The following ARSB variants were observed in gnomAD, a reference collection of about 807,000 sequenced individuals.
The protein encoded by ARSB is N-acetylgalactosamine-4-sulfatase.
ARSB carries 41 observed loss-of-function variants against 50.9 expected under a neutral mutation model. That is an observed-to-expected ratio of 0.81 (90% CI 0.63 to 1.04). The LOEUF (loss-of-function observed/expected upper bound fraction) is 1.04, where lower values mean the gene tolerates loss of function less well. Ranked by LOEUF, ARSB falls within the 50% of genes least tolerant of loss-of-function variation. The pLI is 0.00. For missense variants in ARSB, 672 were observed against 693.3 expected, an observed-to-expected ratio of 0.97 and a Z score of 0.35; for synonymous variants, 269 against 284.8, an observed-to-expected ratio of 0.94 and a Z score of 0.56.
intron 3 of ARSB, among the ~76,000 whole-genome samples, chr5:78,958,195 G>A (rs1751820215): frequency 6.6e-6 from 1 of 152,038 alleles, no homozygotes; most frequent in African/African-American, 2.4e-5. Flanking sequence ...TTGCAAACAC[G>A]AGATTTTGTG....
At chr5:78,829,941 C>A (rs1313799940) in intron 6 of ARSB, among the ~76,000 whole-genome samples, 1 of 152,106 alleles carries the variant, frequency 6.6e-6, no homozygotes, top group African/African-American at 2.4e-5. Flanking sequence ...CTGGTCCAGA[C>A]TGGGAGAGGA....
chr5:78,894,882 G>A (rs1036565127), intron 4 of ARSB, among the ~76,000 whole-genome samples: 2 of 152,120 alleles, frequency 1.3e-5, no homozygotes, highest in South Asian at 4.1e-4. Flanking sequence ...GATTGACACT[G>A]GACATCCCAA....
At chr5:78,795,763 C>T (rs1043387074) in intron 6 of ARSB, among the ~76,000 whole-genome samples, 1 of 152,124 alleles carries the variant, frequency 6.6e-6, no homozygotes, top group Non-Finnish European at 1.5e-5. Context: ...AATTAAAATG[C>T]TCATAATTTT....
At chr5:78,795,444 T>A (rs552690323) in intron 6 of ARSB, among the ~76,000 whole-genome samples, 2 of 152,310 alleles carry the variant, frequency 1.3e-5, no homozygotes, top group South Asian at 4.1e-4. Context: ...TATAGACCTT[T>A]CACAGGCACT....
intron 5 of ARSB, 110 bp from the exon 6 acceptor site, chr5:78,839,536 CA>C (rs1425680098): frequency 9.3e-6 from 9 of 971,350 alleles, no homozygotes; most frequent in Non-Finnish European, 1.4e-5. Flanking sequence ...TGCCAGTTAA[CA>C]ACTCTGTCAT....
chr5:78,945,485 C>A (rs1751181794), intron 4 of ARSB, among the ~76,000 whole-genome samples: 1 of 152,308 alleles, frequency 6.6e-6, no homozygotes, highest in East Asian at 1.9e-4. Flanking sequence ...TGCCTTTACT[C>A]AAGTGCTCCT....
At chr5:78,974,243 G>T (rs1181400415) in intron 1 of ARSB, among the ~76,000 whole-genome samples, 1 of 152,216 alleles carries the variant, frequency 6.6e-6, no homozygotes, top group Non-Finnish European at 1.5e-5. Flanking sequence ...TGTGTGCTAG[G>T]GGCCTGGCTT....
chr5:78,798,545 C>T (rs1335879110), intron 6 of ARSB, among the ~76,000 whole-genome samples: 21 of 152,160 alleles, frequency 1.4e-4, no homozygotes. Flanking sequence ...AACCACAAAG[C>T]CTCACCATCC....
chr5:78,960,657 C>T (rs1400160271), intron 3 of ARSB, among the ~76,000 whole-genome samples: 2 of 152,124 alleles, frequency 1.3e-5, no homozygotes, highest in African/African-American at 2.4e-5. Flanking sequence ...CTCTTCCTCC[C>T]GGGTTCAAGC....
chr5:78,806,740 C>CA (rs1242013186), intron 6 of ARSB, among the ~76,000 whole-genome samples: 2 of 152,198 alleles, frequency 1.3e-5, no homozygotes, highest in Admixed American at 1.3e-4. Flanking sequence ...TCTCCATACT[C>CA]ACGATTACTC....
At chr5:78,860,817 C>A (rs1461494679) in intron 5 of ARSB, among the ~76,000 whole-genome samples, 1 of 152,140 alleles carries the variant, frequency 6.6e-6, no homozygotes, top group African/African-American at 2.4e-5. Context: ...ATCAATGAAT[C>A]CAGGAGCTGG....
In ARSB at chr5:78,780,418, C is replaced by T; in HGVS notation, c.1581G>A (p.Gly527=). Reference sequence around the variant, plus strand: ...AATCCTACATCCAAGGGCCCCACACCCCAGTGGCCTTGGGATCACAGCGGG... The same window carrying T: ...AATCCTACATCCAAGGGCCCCACACTCCAGTGGCCTTGGGATCACAGCGGG... ...QDPRCDPKAT[G]VWGPWM Residue 527 remains glycine (G), a synonymous_variant, in exon 8 of 8, where the codon GGG becomes GGA. Coordinates refer to ENST00000264914, the MANE Select transcript of ARSB (RefSeq NM_000046.5). 2 of 1,614,140 alleles carry T rather than the reference C, an allele frequency of 1.2e-6. No individual in the cohort carries two copies. The highest frequency in any genetic ancestry group is 2.2e-5 in the East Asian group (1 of 44,876).
chr5:78,974,916 G>A (rs1752601521), intron 1 of ARSB, among the ~76,000 whole-genome samples: 1 of 152,162 alleles, frequency 6.6e-6, no homozygotes, highest in Admixed American at 6.5e-5. Flanking sequence ...TGGAGCTAAT[G>A]CATCCTTTGT....
intron 5 of ARSB, among the ~76,000 whole-genome samples, chr5:78,855,391 C>A (rs1418236796): frequency 1.3e-5 from 2 of 152,214 alleles, no homozygotes; most frequent in Non-Finnish European, 2.9e-5. Context: ...TGCTTCAGCT[C>A]TGGCCTGAGG....
At chr5:78,782,059 G>C in intron 6 of ARSB, 85 bp from the exon 7 acceptor site, 1 of 1,561,276 alleles carries the variant, frequency 6.4e-7, no homozygotes, top group Non-Finnish European at 8.8e-7. Context: ...TTGCAGAACA[G>C]TAGCTTTTAT....
At chr5:78,936,272 A>G (rs1429222930) in intron 4 of ARSB, among the ~76,000 whole-genome samples, 1 of 150,316 alleles carries the variant, frequency 6.7e-6, no homozygotes, top group African/African-American at 2.4e-5. Flanking sequence ...TTGCAGGCAC[A>G]AGGCATCATG....
At chr5:78,870,685 A>T (rs931636410) in intron 5 of ARSB, among the ~76,000 whole-genome samples, 8 of 150,488 alleles carry the variant, frequency 5.3e-5, no homozygotes, top group African/African-American at 2.0e-4. Flanking sequence ...AGAGCTATCT[A>T]TGACAAACCC....
intron 6 of ARSB, among the ~76,000 whole-genome samples, chr5:78,829,023 A>G (rs953433872): frequency 2.6e-5 from 4 of 152,194 alleles, no homozygotes. Context: ...GCTGGCTTTG[A>G]AGATGGAGGA....
At chr5:78,822,473 C>T (rs1744269020) in intron 6 of ARSB, among the ~76,000 whole-genome samples, 1 of 152,080 alleles carries the variant, frequency 6.6e-6, no homozygotes, top group Admixed American at 6.6e-5. Flanking sequence ...ATCAGTGTTG[C>T]TTTGTTGCCT....
Sources: allele counts gnomAD v4.1 joint callset (sites outside exome capture counted in the v4.1 genomes callset), GRCh38; gene constraint gnomAD v4.1.1; transcripts MANE v1.5; gene names NCBI Gene and HGNC (gene_info 2026-07-23, HGNC 2026-07-21).